SLC22A25: variants seen among roughly 807,000 people sequenced by gnomAD.
SLC22A25 encodes the protein solute carrier family 22 member 25.
SLC22A25 carries 44 observed loss-of-function variants against 45.9 expected under a neutral mutation model. That is an observed-to-expected ratio of 0.96 (90% confidence interval 0.75 to 1.23). SLC22A25 has a LOEUF of 1.23. SLC22A25 is among the 50% of genes most tolerant of loss of function. The pLI is 0.00. For synonymous variants in SLC22A25, 283 were observed against 238.6 expected, an observed-to-expected ratio of 1.19 and a Z score of -1.72; for missense variants, 800 against 666.4, an observed-to-expected ratio of 1.20 and a Z score of -2.21.
In SLC22A25 at chr11:63,233,589, C is replaced by G. The variant is rs369899700; in HGVS notation, c.-444-3493G>C. Among the ~76,000 whole-genome samples the G allele has an allele frequency of 4.4e-4, 67 of 152,208 alleles. 3 individuals are homozygous for G. Among genetic ancestry groups the G allele is most frequent in the East Asian group, 2.3e-3 (12 of 5,184 alleles). On this transcript the variant is annotated intron_variant, in intron 3 of 11. Transcript: ENST00000306494. ...TGTTGATCTTTTCAAAAAACCAGCT[C>G]CTGGATTCATTGATTTTTTGAAGGG...
intron 7 of SLC22A25, among the ~76,000 whole-genome samples, chr11:63,198,014 A>G (rs1044113946): frequency 3.3e-5 from 5 of 152,204 alleles, no homozygotes; most frequent in African/African-American, 1.2e-4. Context: ...GCAAATCAAA[A>G]CCACAATGAG....
chr11:63,179,645 G>A, intron 9 of SLC22A25, among the ~76,000 whole-genome samples: 1 of 152,114 alleles, frequency 6.6e-6, no homozygotes, highest in East Asian at 1.9e-4. Context: ...CATCTAGAGT[G>A]CGTGTGGGGT....
chr11:63,169,342 C>G (rs1400429532), intron 9 of SLC22A25, among the ~76,000 whole-genome samples: 2 of 152,158 alleles, frequency 1.3e-5, no homozygotes, highest in Non-Finnish European at 2.9e-5. Context: ...TGTAAATGGG[C>G]TAAATGCCCC....
intron 10 of SLC22A25, among the ~76,000 whole-genome samples, chr11:63,164,971 C>T (rs1409423562): frequency 1.3e-5 from 2 of 151,996 alleles, no homozygotes; most frequent in African/African-American, 4.8e-5. Context: ...GCCCTCCTTG[C>T]AGAAAACAGG....
At position 63,240,058 on chromosome 11, in the gene SLC22A25, A is replaced by G. The variant is rs151207996; in HGVS notation, c.-995-923T>C. On this transcript the variant is annotated intron_variant, in intron 1 of 11. Coordinates refer to ENST00000306494, the MANE Select transcript of SLC22A25 (RefSeq NM_199352.6). ...GTGTAGTCTAATGCACACCTAGGCT[A>G]TATGGTATAGCCTATTGCTCATATC... Among the ~76,000 whole-genome samples, 301 of 152,318 alleles carry G rather than the reference A, an allele frequency of 2.0e-3. 1 individual carries two copies. Among genetic ancestry groups the G allele is most frequent in the African/African-American group, 6.8e-3 (281 of 41,570 alleles).
intron 9 of SLC22A25, among the ~76,000 whole-genome samples, chr11:63,170,357 T>C (rs1179804453): frequency 6.6e-6 from 1 of 150,678 alleles, no homozygotes. Flanking sequence ...AAACCACTCA[T>C]AAAAATCAAT....
chr11:63,181,064 G>GA (rs1348468361), intron 8 of SLC22A25, among the ~76,000 whole-genome samples: 1 of 151,908 alleles, frequency 6.6e-6, no homozygotes, highest in Non-Finnish European at 1.5e-5. Flanking sequence ...TCAGGATGGG[G>GA]AAAAAAATGA....
At chr11:63,191,172 C>T (rs1477325795) in intron 7 of SLC22A25, among the ~76,000 whole-genome samples, 1 of 152,238 alleles carries the variant, frequency 6.6e-6, no homozygotes, top group African/African-American at 2.4e-5. Flanking sequence ...AGGCAGGCCT[C>T]CTCAAGCTGC....
At chr11:63,193,839 A>C (rs1295259548) in intron 7 of SLC22A25, among the ~76,000 whole-genome samples, 1 of 152,258 alleles carries the variant, frequency 6.6e-6, no homozygotes, top group Non-Finnish European at 1.5e-5. Context: ...AGTAGGCTTC[A>C]GAAGATCGGT....
In SLC22A25 at chr11:63,214,273, C is replaced by T. The variant is rs148851365; in HGVS notation, c.830+3041G>A. On this transcript the variant is annotated intron_variant, in intron 7 of 11. Transcript: ENST00000306494. ...AATAGTAACCTGACACACTACTGCG[C>T]AGTTGATAGCATTAACAAAATATCA... Among the ~76,000 whole-genome samples, 36 of 152,310 alleles carry T rather than the reference C, an allele frequency of 2.4e-4. 1 individual carries two copies. The East Asian group carries it at 6.6e-3, about 28-fold the overall frequency.
intron 9 of SLC22A25, among the ~76,000 whole-genome samples, chr11:63,171,950 A>G (rs1397335684): frequency 1.3e-5 from 2 of 152,200 alleles, no homozygotes; most frequent in Non-Finnish European, 1.5e-5. Context: ...CTGGCACCAA[A>G]TCAGATACAT....
chr11:63,208,138 G>A (rs939094507), intron 7 of SLC22A25: 3 of 152,234 alleles, frequency 2.0e-5, no homozygotes, highest in African/African-American at 7.2e-5. Flanking sequence ...CAGCCCTGTG[G>A]CCATGGGAGA....
intron 3 of SLC22A25, among the ~76,000 whole-genome samples, chr11:63,234,041 G>T (rs1454658453): frequency 6.6e-6 from 1 of 152,228 alleles, no homozygotes; most frequent in Non-Finnish European, 1.5e-5. Flanking sequence ...TTGCTGAGGA[G>T]AGCTTTACTT....
intron 9 of SLC22A25, among the ~76,000 whole-genome samples, chr11:63,169,384 G>A (rs1214970213): frequency 1.3e-5 from 2 of 152,002 alleles, no homozygotes; most frequent in Non-Finnish European, 2.9e-5. Context: ...AAATTGCATA[G>A]AGTCAAGACC....
chr11:63,231,527 A>G (rs920810417), intron 3 of SLC22A25, among the ~76,000 whole-genome samples: 3 of 151,966 alleles, frequency 2.0e-5, no homozygotes, highest in Admixed American at 6.6e-5. Context: ...GTTGGAGTTC[A>G]TTGTAGATTC....
intron 7 of SLC22A25, among the ~76,000 whole-genome samples, chr11:63,193,914 GA>G (rs2088906516): frequency 6.6e-6 from 1 of 152,074 alleles, no homozygotes; most frequent in African/African-American, 2.4e-5. Flanking sequence ...TAAAAACCTT[GA>G]AAAAAGATTC....
At chr11:63,188,503 G>A (rs889594160) in intron 7 of SLC22A25, among the ~76,000 whole-genome samples, 2 of 152,116 alleles carry the variant, frequency 1.3e-5, no homozygotes, top group African/African-American at 2.4e-5. Flanking sequence ...CCAGCTCCTG[G>A]ATTCATTGAT....
chr11:63,210,711 A>C (rs1438623073), intron 7 of SLC22A25, among the ~76,000 whole-genome samples: 1 of 152,098 alleles, frequency 6.6e-6, no homozygotes, highest in Non-Finnish European at 1.5e-5. Context: ...TTTGGTTGAT[A>C]CTGGTGCTGA....
intron 7 of SLC22A25, among the ~76,000 whole-genome samples, chr11:63,191,339 T>C (rs1389535810): frequency 1.3e-5 from 2 of 152,212 alleles, no homozygotes; most frequent in Admixed American, 1.3e-4. Context: ...CATAGGACCT[T>C]CTGAGTCAGG....
Sources: allele counts gnomAD v4.1 joint callset (sites outside exome capture counted in the v4.1 genomes callset), GRCh38; gene constraint gnomAD v4.1.1; transcripts MANE v1.5; gene names NCBI Gene and HGNC (gene_info 2026-07-23, HGNC 2026-07-21).